Variants in EFCAB13 observed in about 807,000 individuals in gnomAD.
The protein encoded by EFCAB13 is EF-hand calcium binding domain 13.
In EFCAB13, 91 loss-of-function variants were observed where a neutral mutation model predicts 110.2. The observed-to-expected ratio is 0.83, with a 90% confidence interval of 0.70 to 0.98. The LOEUF (loss-of-function observed/expected upper bound fraction) is 0.98. Ranked by LOEUF, EFCAB13 falls within the 50% of genes least tolerant of loss-of-function variation. EFCAB13 has a pLI of 0.00. For missense variants in EFCAB13, 968 were observed against 1,119.4 expected, an observed-to-expected ratio of 0.86 and a Z score of 1.93; for synonymous variants, 323 against 369.9, an observed-to-expected ratio of 0.87 and a Z score of 1.45.
At chr17:47,374,365 A>G in intron 11 of EFCAB13, 107 bp from the exon 12 acceptor site, 1 of 1,031,442 alleles carries the variant, frequency 9.7e-7, no homozygotes, top group South Asian at 2.4e-5. Context: ...TATGTTTAAG[A>G]AACTGATAAT....
chr17:47,381,106 T>G (rs1202748536), intron 14 of EFCAB13, among the ~76,000 whole-genome samples: 8 of 152,006 alleles, frequency 5.3e-5, no homozygotes, highest in African/African-American at 1.9e-4. Context: ...ATGGTCTTGA[T>G]CTCCTGACCT....
Position 47,441,296 on chromosome 17 carries a change from AT to A in EFCAB13, c.*585del, listed in dbSNP as rs1221549414. On this transcript the variant is annotated 3_prime_UTR_variant, in exon 25 of 25. Coordinates refer to ENST00000331493, the MANE Select transcript of EFCAB13 (RefSeq NM_152347.5). ...TATTACAAATTCCAAATAAAGCTTT[AT>A]TTGAGGACCCCCAAAGTTGAGGTAC... is the stretch of plus-strand genomic sequence containing the variant. 1.3e-5 allele frequency: 2 copies of A among 150,732 alleles called. No individual in the cohort carries two copies. The highest frequency in any genetic ancestry group is 2.9e-5 in the Non-Finnish European group (2 of 67,970). The allele number at this position is 150,732 out of a possible 1,614,324, so 9.3% of individuals were successfully genotyped here.
chr17:47,356,594 G>A (rs144268551), intron 9 of EFCAB13, among the ~76,000 whole-genome samples: 380 of 152,298 alleles, frequency 2.5e-3, no homozygotes, highest in African/African-American at 8.4e-3. Flanking sequence ...TCTCTCAGCC[G>A]TGAATACCAG....
At chr17:47,380,864 G>A (rs1229066920) in intron 14 of EFCAB13, among the ~76,000 whole-genome samples, 12 of 149,200 alleles carry the variant, frequency 8.0e-5, no homozygotes, top group Non-Finnish European at 1.2e-4. Context: ...TTTGTTGGCC[G>A]CATAAATTGC....
At chr17:47,347,983 G>A (rs745806496) in intron 9 of EFCAB13, 32 bp downstream of exon 9, 5 of 1,360,258 alleles carry the variant, frequency 3.7e-6, no homozygotes, top group Middle Eastern at 2.2e-4. Context: ...TTAGTTTAAG[G>A]GTCTGCAATC....
At chr17:47,425,676 AG>A (rs1904927054) in intron 23 of EFCAB13, among the ~76,000 whole-genome samples, 1 of 152,218 alleles carries the variant, frequency 6.6e-6, no homozygotes, top group African/African-American at 2.4e-5. Flanking sequence ...AGACACAGAT[AG>A]AAACTTGAAC....
At chr17:47,432,184 G>A (rs903723601) in intron 24 of EFCAB13, among the ~76,000 whole-genome samples, 1 of 152,006 alleles carries the variant, frequency 6.6e-6, no homozygotes, top group East Asian at 1.9e-4. Context: ...GGTGGATCAC[G>A]AGGTCAGATC....
chr17:47,352,914 G>C (rs920310497), intron 9 of EFCAB13, among the ~76,000 whole-genome samples: 1 of 152,082 alleles, frequency 6.6e-6, no homozygotes, highest in African/African-American at 2.4e-5. Context: ...ACCGATTTTT[G>C]TATGTTGATT....
chr17:47,420,867 G>T lies in EFCAB13; in HGVS notation c.2494+5948G>T, dbSNP rs529457219. On this transcript the variant is annotated intron_variant, in intron 23 of 24. Coordinates refer to ENST00000331493, the MANE Select transcript of EFCAB13 (RefSeq NM_152347.5). ...ACCCCGTCCGGGAGGGAGGTGGGGG[G>T]GTCAGCCCCCCGCCCGGCCAGCCGC... Among the ~76,000 whole-genome samples, 423 of 136,980 alleles carry T rather than the reference G, an allele frequency of 3.1e-3. 3 individuals carry two copies. Among genetic ancestry groups the T allele is most frequent in the African/African-American group, 0.011 (404 of 37,586 alleles). The allele number at this position is 136,980 out of a possible 152,430, so 89.9% of individuals were successfully genotyped here. A position where few individuals can be genotyped will look rare whatever the true frequency, so the allele number is the denominator to read the frequency against.
intron 6 of EFCAB13, 116 bp downstream of exon 6, chr17:47,342,148 C>CCTGGT: frequency 1.7e-6 from 1 of 597,408 alleles, no homozygotes; most frequent in Non-Finnish European, 2.9e-6. Flanking sequence ...AATATCACTA[C>CCTGGT]CTGGTCTTGC....
At chr17:47,371,065 T>G (rs112325165) in intron 11 of EFCAB13, among the ~76,000 whole-genome samples, 29 of 131,974 alleles carry the variant, frequency 2.2e-4, no homozygotes, top group East Asian at 4.9e-4. Context: ...AATGGTTGTT[T>G]TTTTTTTTTT....
intron 24 of EFCAB13, among the ~76,000 whole-genome samples, chr17:47,439,195 T>A (rs1317393604): frequency 1.4e-5 from 2 of 147,164 alleles, no homozygotes; most frequent in Admixed American, 6.8e-5. Flanking sequence ...TTTTTTTTTT[T>A]AGACAGATTC....
Position 47,342,030 on chromosome 17 carries a change from G to A in EFCAB13, c.301G>A (p.Glu101Lys), listed in dbSNP as rs2065388325. ...AGTACAACAGCACAGTAAAAGAACT[G>A]AGGTAAATAAAGATTTGGAAATTTT... ...LQVQQHSKRT[E>K]IIPPFLKLSK... Residue 101 changes from glutamate (E) to lysine (K), a missense_variant and splice_region_variant, in exon 6 of 25, where the codon GAG becomes AAG. Coordinates refer to ENST00000331493, the MANE Select transcript of EFCAB13 (RefSeq NM_152347.5). The A allele has an allele frequency of 1.3e-6, 2 of 1,541,192 alleles. No homozygotes were observed. The highest frequency in any genetic ancestry group is 4.6e-5 in the East Asian group (2 of 43,596).
At position 47,404,638 on chromosome 17, in the gene EFCAB13, G is replaced by C. The variant is rs756073108; in HGVS notation, c.2233+5G>C. On this transcript the variant is annotated splice_donor_5th_base_variant and intron_variant, in intron 20 of 24. Transcript: ENST00000331493. ...AGAAATTTTCCAATTATATTGGTAA[G>C]AGCTTTATGGTAATACTGTTAGAAG... 1.3e-5 allele frequency: 21 copies of C among 1,600,910 alleles called. No individual in the cohort carries two copies. Among genetic ancestry groups the C allele is most frequent in the Non-Finnish European group, 1.8e-5 (21 of 1,169,132 alleles).
At chr17:47,360,376 G>A (rs1344788871) in intron 9 of EFCAB13, among the ~76,000 whole-genome samples, 3 of 152,112 alleles carry the variant, frequency 2.0e-5, no homozygotes, top group Admixed American at 2.0e-4. Context: ...CTGATGGCCA[G>A]TGATTATGAG....
chr17:47,421,131 C>T lies in EFCAB13; in HGVS notation c.2494+6212C>T, dbSNP rs1272304297. On this transcript the variant is annotated intron_variant, in intron 23 of 24. Coordinates refer to ENST00000331493, the MANE Select transcript of EFCAB13 (RefSeq NM_152347.5). ...GAGCCCCTCTGCCCGGCCACCACCC[C>T]GTCTGGGAGGTGTACCCAACAGCTC... Among the ~76,000 whole-genome samples the T allele has an allele frequency of 5.3e-5, 8 of 152,096 alleles. No individual in the cohort carries two copies. In the East Asian group the frequency reaches 9.8e-4, roughly 19 times the overall value.
Position 47,431,262 on chromosome 17 carries a change from A to AT in EFCAB13, c.2638+1302dup, listed in dbSNP as rs1905110318. ...CCCTTTTTTTAATCTCCTTCCGCCT[A>AT]TATCCTAACATCTATTTTTTCTTTG... On this transcript the variant is annotated intron_variant, in intron 24 of 24. Transcript: ENST00000331493. The surrounding 1 kb of genome is among the most constrained non-coding windows in gnomAD (Gnocchi z 4.1). Among the ~76,000 whole-genome samples, 1 of 151,706 alleles carries AT rather than the reference A, an allele frequency of 6.6e-6. No individual in the cohort carries two copies. The highest frequency in any genetic ancestry group is 2.4e-5 in the African/African-American group (1 of 41,280).
chr17:47,385,953 T>C (rs1567794848), intron 14 of EFCAB13, among the ~76,000 whole-genome samples: 1 of 152,196 alleles, frequency 6.6e-6, no homozygotes, highest in Non-Finnish European at 1.5e-5. Context: ...GTATTACTAG[T>C]GTAGGCTGCA....
rs1214376153 is a variant in EFCAB13, at chr17:47,353,549, G to A, written c.661+5598G>A. ...GACCTCAAGTGATCCGCCTGCCTTGGTCTCCCAAAGTGTTGGAATTACAGG... is the reference window on the plus strand; with the variant it reads ...GACCTCAAGTGATCCGCCTGCCTTGATCTCCCAAAGTGTTGGAATTACAGG... On this transcript the variant is annotated intron_variant, in intron 9 of 24. Coordinates refer to ENST00000331493, the MANE Select transcript of EFCAB13 (RefSeq NM_152347.5). 2.6e-5 allele frequency among the ~76,000 whole-genome samples: 4 copies of A among 152,032 alleles called. No individual in the cohort carries two copies. In the South Asian group the frequency reaches 6.2e-4, roughly 24 times the overall value.
Sources: allele counts gnomAD v4.1 joint callset (sites outside exome capture counted in the v4.1 genomes callset), GRCh38; gene constraint gnomAD v4.1.1; non-coding constraint Gnocchi (gnomAD v3.1); transcripts MANE v1.5; gene names NCBI Gene and HGNC (gene_info 2026-07-23, HGNC 2026-07-21).